SYNE1: variants seen among roughly 807,000 people sequenced by gnomAD.
SYNE1 encodes nesprin-1.
Under a neutral mutation model 1,111.0 loss-of-function variants are expected in SYNE1, and 616 were observed. That is an observed-to-expected ratio of 0.55 (90% CI 0.52 to 0.59). SYNE1 has a LOEUF of 0.59. SYNE1 is among the 20% of genes least tolerant of loss of function. SYNE1 has a pLI of 0.00. For missense variants in SYNE1, 10,006 were observed against 10,417.0 expected, an observed-to-expected ratio of 0.96 and a Z score of 1.72; for synonymous variants, 3,855 against 3,825.8, an observed-to-expected ratio of 1.01 and a Z score of -0.28.
Position 152,231,585 on chromosome 6 carries a change from A to G in SYNE1, c.20863-18T>C. 6.2e-7 allele frequency: 1 copy of G among 1,612,496 alleles called. No individual in the cohort carries two copies. Among genetic ancestry groups the G allele is most frequent in the Non-Finnish European group, 8.5e-7 (1 of 1,178,860 alleles). ...TTAAAACCCTAAAAAAAAAGAGGAG[A>G]AAATAAGATTATACAATAAATGTCT... On this transcript the variant is annotated intron_variant, in intron 113 of 145. Coordinates refer to ENST00000367255, the MANE Select transcript of SYNE1 (RefSeq NM_182961.4).
At chr6:152,629,106 G>GT (rs895643166) in intron 2 of SYNE1, among the ~76,000 whole-genome samples, 1 of 152,102 alleles carries the variant, frequency 6.6e-6, no homozygotes, top group Non-Finnish European at 1.5e-5. Flanking sequence ...GTATGATTTA[G>GT]TTTTTTTCCT....
At chr6:152,333,887 C>A in intron 77 of SYNE1, 121 bp downstream of exon 77, 2 of 1,358,454 alleles carry the variant, frequency 1.5e-6, no homozygotes, top group South Asian at 2.4e-5. Context: ...CCCGCCTCAG[C>A]CTCCTAAAGT....
intron 101 of SYNE1, among the ~76,000 whole-genome samples, chr6:152,261,055 T>C (rs1246992020): frequency 6.6e-6 from 1 of 152,188 alleles, no homozygotes; most frequent in Non-Finnish European, 1.5e-5. Flanking sequence ...AGCTCCAGCG[T>C]TTCCCTCCTC....
At chr6:152,157,226 C>T (rs2061550865) in intron 131 of SYNE1, among the ~76,000 whole-genome samples, 1 of 152,130 alleles carries the variant, frequency 6.6e-6, no homozygotes, top group South Asian at 2.1e-4. Context: ...TATATATACA[C>T]AATGGAATAT....
chr6:152,323,669 T>C lies in SYNE1; in HGVS notation c.15726A>G (p.Ala5242=), dbSNP rs1458003657. 1 of 1,614,258 alleles carries C rather than the reference T, an allele frequency of 6.2e-7. No individual in the cohort carries two copies. The highest frequency in any genetic ancestry group is 1.7e-5 in the Admixed American group (1 of 60,028). Residue 5242 remains alanine (A), a synonymous_variant, in exon 82 of 146, where the codon GCA becomes GCG. Coordinates refer to ENST00000367255, the MANE Select transcript of SYNE1 (RefSeq NM_182961.4). Reference sequence around the variant, plus strand: ...GAAGAGTTAAGAGCTCTGCTTTCGATGCTTTCTCTGCTGAACTTCCAGGTA... The same window carrying C: ...GAAGAGTTAAGAGCTCTGCTTTCGACGCTTTCTCTGCTGAACTTCCAGGTA... ...DKLPGSSAEK[A]SKAELLTLLE...
intron 75 of SYNE1, 137 bp from the exon 76 acceptor site, chr6:152,337,154 T>C: frequency 1.3e-6 from 1 of 786,256 alleles, no homozygotes; most frequent in East Asian, 2.7e-5. Flanking sequence ...CACACACAAA[T>C]ACATAAATTT....
intron 3 of SYNE1, among the ~76,000 whole-genome samples, chr6:152,579,390 G>A (rs2099511738): frequency 6.6e-6 from 1 of 152,258 alleles, no homozygotes; most frequent in African/African-American, 2.4e-5. Flanking sequence ...CAGAGGCCAT[G>A]TGGCAGATGT....
In SYNE1 at chr6:152,568,141, T is replaced by C. The variant is rs1333353627; in HGVS notation, c.68-28120A>G. Among the ~76,000 whole-genome samples the C allele has an allele frequency of 3.9e-5, 6 of 152,070 alleles. No individual in the cohort carries two copies. The East Asian group carries it at 1.2e-3, about 29-fold the overall frequency. ...ATATGCTTAATAATGAAGACAGACA[T>C]TTTAGGCCTAAAAATAACTAAAGAG... is the stretch of plus-strand genomic sequence containing the variant. On this transcript the variant is annotated intron_variant, in intron 3 of 145. Coordinates refer to ENST00000367255, the MANE Select transcript of SYNE1 (RefSeq NM_182961.4).
At position 152,336,894 on chromosome 6, in the gene SYNE1, T is replaced by C. The variant is rs1235426419; in HGVS notation, c.12475A>G (p.Arg4159Gly). ...ADQQLQNMKR[R>G]HSELELNIAQ... Reference sequence around the variant, plus strand: ...ATGTTCAGCTCCAGCTCAGAGTGCCTCCTCTTCATGTTCTGCAGTTGCTGA... The same window carrying C: ...ATGTTCAGCTCCAGCTCAGAGTGCCCCCTCTTCATGTTCTGCAGTTGCTGA... The change falls in exon 76 of 146, where the codon AGG becomes GGG. Residue 4159 changes from arginine to glycine, a missense_variant. By Grantham distance (125) the Arg-to-Gly change is moderately radical (BLOSUM62 -2). Coordinates refer to ENST00000367255, the MANE Select transcript of SYNE1 (RefSeq NM_182961.4). The C allele has an allele frequency of 6.2e-7, 1 of 1,614,024 alleles. No homozygotes were observed. The highest frequency in any genetic ancestry group is 8.5e-7 in the Non-Finnish European group (1 of 1,180,042).
intron 126 of SYNE1, among the ~76,000 whole-genome samples, chr6:152,202,542 C>T (rs1193041954): frequency 1.3e-5 from 2 of 151,780 alleles, no homozygotes; most frequent in African/African-American, 4.8e-5. Flanking sequence ...TTCCATTTTC[C>T]CTACGAAAAT....
chr6:152,236,053 T>A (rs1207712825), intron 110 of SYNE1, 54 bp downstream of exon 110: 3 of 1,581,322 alleles, frequency 1.9e-6, no homozygotes, highest in Non-Finnish European at 2.6e-6. Context: ...GCACTAGCCT[T>A]ATTAATACAA....
At chr6:152,326,178 T>C in intron 79 of SYNE1, 76 bp from the exon 80 acceptor site, 7 of 1,612,638 alleles carry the variant, frequency 4.3e-6, no homozygotes, top group Non-Finnish European at 5.9e-6. Flanking sequence ...TGTCAGTATG[T>C]CTAATGATAC....
chr6:152,287,212 A>G (rs1376849708), intron 95 of SYNE1, among the ~76,000 whole-genome samples: 1 of 152,226 alleles, frequency 6.6e-6, no homozygotes, highest in Non-Finnish European at 1.5e-5. Flanking sequence ...CTTCACATTT[A>G]GATCTACAAA....
intron 87 of SYNE1, among the ~76,000 whole-genome samples, chr6:152,311,820 G>A (rs1168136307): frequency 6.7e-6 from 1 of 150,024 alleles, no homozygotes; most frequent in African/African-American, 2.5e-5. Flanking sequence ...CTTTCGCCCA[G>A]GCTGGAGTGC....
At chr6:152,237,251 C>T (rs1037740085) in intron 108 of SYNE1, among the ~76,000 whole-genome samples, 8 of 151,520 alleles carry the variant, frequency 5.3e-5, no homozygotes, top group African/African-American at 1.5e-4. Flanking sequence ...CTATCTTCTC[C>T]ATCATGAGGA....
At chr6:152,412,106 A>G (rs1009109250) in intron 42 of SYNE1, among the ~76,000 whole-genome samples, 4 of 152,180 alleles carry the variant, frequency 2.6e-5, no homozygotes, top group Admixed American at 6.5e-5. Flanking sequence ...ACACCCATTC[A>G]GTGGAATATC....
intron 137 of SYNE1, chr6:152,144,975 C>T (rs1447761463): frequency 6.1e-6 from 1 of 164,828 alleles, no homozygotes; most frequent in Non-Finnish European, 1.3e-5. Context: ...ATTAAAATTA[C>T]ATATATTTTT....
At chr6:152,553,889 C>T (rs2099356297) in intron 3 of SYNE1, among the ~76,000 whole-genome samples, 1 of 152,114 alleles carries the variant, frequency 6.6e-6, no homozygotes, top group Admixed American at 6.5e-5. Context: ...AGATGCTGGA[C>T]TCATGCAATT....
chr6:152,246,095 CAGA>C (rs2153577686), intron 105 of SYNE1, among the ~76,000 whole-genome samples: 1 of 152,250 alleles, frequency 6.6e-6, no homozygotes, highest in South Asian at 2.1e-4. Flanking sequence ...GACAATTTGA[CAGA>C]AGGATTCTCT....
Sources: allele counts gnomAD v4.1 joint callset (sites outside exome capture counted in the v4.1 genomes callset), GRCh38; gene constraint gnomAD v4.1.1; transcripts MANE v1.5; gene names NCBI Gene and HGNC (gene_info 2026-07-23, HGNC 2026-07-21).